Variants in NFATC3 observed in about 807,000 individuals in gnomAD.
NFATC3 encodes nuclear factor of activated T cells 3.
Under a neutral mutation model 98.6 loss-of-function variants are expected in NFATC3, and 46 were observed. The ratio of observed to expected loss-of-function variants is 0.47; its 90% CI spans 0.37 to 0.60. The LOEUF (loss-of-function observed/expected upper bound fraction) is 0.60, where lower values mean the gene tolerates loss of function less well. Among genes scored for constraint, NFATC3 ranks in the 20% least tolerant of loss-of-function variants. NFATC3 has a pLI of 0.00. For missense variants in NFATC3, 1,256 were observed against 1,295.5 expected, an observed-to-expected ratio of 0.97 and a Z score of 0.47; for synonymous variants, 512 against 472.2, an observed-to-expected ratio of 1.08 and a Z score of -1.09.
At chr16:68,171,718 A>G (rs893062506) in intron 5 of NFATC3, among the ~76,000 whole-genome samples, 1 of 151,738 alleles carries the variant, frequency 6.6e-6, no homozygotes, top group East Asian at 1.9e-4. Context: ...CAGGTGATCC[A>G]CCTGCCTCTG....
intron 6 of NFATC3, among the ~76,000 whole-genome samples, chr16:68,174,772 C>T (rs765517457): frequency 3.9e-5 from 6 of 152,256 alleles, no homozygotes; most frequent in Non-Finnish European, 8.8e-5. Context: ...CACTTAGGCC[C>T]AGAAGTTCTA....
intron 9 of NFATC3, among the ~76,000 whole-genome samples, chr16:68,214,157 G>T (rs1030405070): frequency 2.0e-5 from 3 of 152,078 alleles, no homozygotes; most frequent in Non-Finnish European, 4.4e-5. Flanking sequence ...CTGAACTCCA[G>T]TATTTATTTT....
intron 9 of NFATC3, among the ~76,000 whole-genome samples, chr16:68,222,198 C>T (rs2041888309): frequency 7.1e-6 from 1 of 141,830 alleles, no homozygotes; most frequent in Admixed American, 7.5e-5. Context: ...CCCAGCTACT[C>T]AGGAGGCTTA....
chr16:68,116,569 A>G (rs1196798668), intron 1 of NFATC3, among the ~76,000 whole-genome samples: 2 of 152,220 alleles, frequency 1.3e-5, no homozygotes, highest in Admixed American at 6.5e-5. Flanking sequence ...GTAGCTGCTT[A>G]TATCATTTCC....
chr16:68,154,165 C>T (rs1598457759), intron 3 of NFATC3, among the ~76,000 whole-genome samples: 1 of 152,098 alleles, frequency 6.6e-6, no homozygotes, highest in Non-Finnish European at 1.5e-5. Context: ...AGCAGTCCTC[C>T]CGCCTCAGCC....
intron 1 of NFATC3, among the ~76,000 whole-genome samples, chr16:68,111,817 G>T (rs2035959851): frequency 1.3e-5 from 2 of 152,150 alleles, no homozygotes; most frequent in Non-Finnish European, 2.9e-5. Flanking sequence ...AAGCAGACCT[G>T]GTGGTGCTGA....
chr16:68,205,904 C>CTT (rs11409484), intron 9 of NFATC3, among the ~76,000 whole-genome samples: 100 of 145,552 alleles, frequency 6.9e-4, no homozygotes, highest in Middle Eastern at 3.5e-3. Flanking sequence ...ATCTTTTTTT[C>CTT]TTTTTTTTTT....
intron 5 of NFATC3, among the ~76,000 whole-genome samples, chr16:68,170,224 C>T (rs2039393797): frequency 6.6e-6 from 1 of 151,606 alleles, no homozygotes; most frequent in Admixed American, 6.6e-5. Flanking sequence ...AACCCCATCT[C>T]TACTAAAAAT....
intron 8 of NFATC3, among the ~76,000 whole-genome samples, chr16:68,183,946 C>T (rs778393342): frequency 1.3e-4 from 18 of 134,912 alleles, no homozygotes; most frequent in Middle Eastern, 4.1e-3. Context: ...GTGGAGGTTG[C>T]GGTGAGCCGA....
chr16:68,179,308 G>GT (rs745858756), intron 6 of NFATC3, among the ~76,000 whole-genome samples: 71 of 152,178 alleles, frequency 4.7e-4, no homozygotes, highest in Admixed American at 9.8e-4. Context: ...AACTGTTTGC[G>GT]TTTGCCTTTC....
In NFATC3 at chr16:68,191,228, A is replaced by G. The variant is rs776778026; in HGVS notation, c.2559A>G (p.Pro853=). The G allele has an allele frequency of 8.1e-6, 13 of 1,613,964 alleles. No homozygotes were observed. The highest frequency in any genetic ancestry group is 5.0e-5 in the Admixed American group (3 of 59,982). ...NLGCQPLSSI[P]FHSSNSGSTG... is the part of the protein sequence containing the mutation. ...GCTGTCAACCACTGTCATCCATACC[A>G]TTTCATTCTTCAAATTCAGGCTCAA... Residue 853 remains proline (P), a synonymous_variant, in exon 9 of 10, where the codon CCA becomes CCG. Coordinates refer to ENST00000346183, the MANE Select transcript of NFATC3 (RefSeq NM_173165.3).
intron 5 of NFATC3, among the ~76,000 whole-genome samples, chr16:68,173,571 A>AAAAT (rs1488592984): frequency 1.3e-5 from 2 of 152,322 alleles, no homozygotes; most frequent in South Asian, 4.1e-4. Context: ...TGTCTCAAAA[A>AAAAT]AAATAAATAA....
At chr16:68,216,142 A>G (rs758638644) in intron 9 of NFATC3, among the ~76,000 whole-genome samples, 6 of 152,312 alleles carry the variant, frequency 3.9e-5, no homozygotes, top group South Asian at 4.1e-4. Flanking sequence ...GAGCACAGGT[A>G]GTGGAATGGG....
At chr16:68,221,357 T>A in intron 9 of NFATC3, 1 of 1,588,988 alleles carries the variant, frequency 6.3e-7, no homozygotes, top group South Asian at 1.1e-5. Context: ...ACTTGCATGA[T>A]TAACACTCGG....
intron 9 of NFATC3, among the ~76,000 whole-genome samples, chr16:68,195,591 G>A (rs955706654): frequency 2.0e-5 from 3 of 152,018 alleles, no homozygotes; most frequent in African/African-American, 4.8e-5. Context: ...GGCGGATCAC[G>A]AGGTCAGGAG....
chr16:68,088,376 T>C (rs1199846381), intron 1 of NFATC3, among the ~76,000 whole-genome samples: 1 of 146,194 alleles, frequency 6.8e-6, no homozygotes, highest in Non-Finnish European at 1.5e-5. Flanking sequence ...TATATTTACA[T>C]ATATAATGTA....
At chr16:68,187,117 C>A (rs578048977) in intron 8 of NFATC3, among the ~76,000 whole-genome samples, 2 of 152,216 alleles carry the variant, frequency 1.3e-5, no homozygotes, top group Non-Finnish European at 2.9e-5. Context: ...CAGCCAGGCA[C>A]GCTGGCTATG....
intron 5 of NFATC3, among the ~76,000 whole-genome samples, chr16:68,168,232 C>G (rs572392432): frequency 2.6e-5 from 4 of 152,004 alleles, no homozygotes; most frequent in Admixed American, 6.5e-5. Context: ...GCAATCTCAA[C>G]TCACTGCATC....
At position 68,174,514 on chromosome 16, in the gene NFATC3, G is replaced by T; in HGVS notation, c.1915G>T (p.Asp639Tyr). Residue 639 changes from aspartate to tyrosine, a missense_variant and splice_region_variant, in exon 6 of 10, where the codon GAT becomes TAT. Coordinates refer to ENST00000346183, the MANE Select transcript of NFATC3 (RefSeq NM_173165.3). Reference sequence around the variant, plus strand: ...AATCATTTTTCTTGAAAAAGGACAAGGTAAGTAATATATGAGTTGATTGAC... The same window carrying T: ...AATCATTTTTCTTGAAAAAGGACAATGTAAGTAATATATGAGTTGATTGAC... ...SKIIFLEKGQDGRPQWEVEGK... is the reference protein window; with the variant it reads ...SKIIFLEKGQYGRPQWEVEGK... 6.3e-7 allele frequency: 1 copy of T among 1,593,630 alleles called. No homozygotes were observed. The highest frequency in any genetic ancestry group is 1.2e-5 in the South Asian group (1 of 86,050).
Sources: gnomAD v4.1 joint callset for allele counts (sites outside exome capture counted in the v4.1 genomes callset) on GRCh38, gnomAD v4.1.1 for gene constraint, MANE v1.5 for transcripts, NCBI Gene and HGNC (gene_info 2026-07-23, HGNC 2026-07-21) for gene names.